The following TMEM232 variants were observed in gnomAD, a reference collection of about 807,000 sequenced individuals.
TMEM232 encodes transmembrane protein 232.
A neutral mutation model predicts 78.8 loss-of-function variants in TMEM232; 80 were observed. The ratio of observed to expected loss-of-function variants is 1.01; its 90% confidence interval spans 0.85 to 1.22. The LOEUF (loss-of-function observed/expected upper bound fraction) is 1.22. TMEM232 is among the 50% of genes most tolerant of loss of function. TMEM232 has a pLI of 0.00. For missense variants in TMEM232, 881 were observed against 742.2 expected (o/e 1.19, Z -2.17); for synonymous variants, 297 against 254.3 (o/e 1.17, Z -1.60).
intron 12 of TMEM232, among the ~76,000 whole-genome samples, chr5:110,485,927 C>G (rs1463167235): frequency 6.6e-6 from 1 of 152,066 alleles, no homozygotes; most frequent in Non-Finnish European, 1.5e-5. Flanking sequence ...GTTTACATTC[C>G]CACCTAGCCG....
At chr5:110,542,982 G>A (rs1773345062) in intron 11 of TMEM232, among the ~76,000 whole-genome samples, 1 of 152,070 alleles carries the variant, frequency 6.6e-6, no homozygotes. Flanking sequence ...GGGCTCTTGA[G>A]CCACTTGCTC....
At position 110,483,451 on chromosome 5, in the gene TMEM232, T is replaced by G. The variant is rs113150916; in HGVS notation, c.1703+45137A>C. On this transcript the variant is annotated intron_variant, in intron 12 of 13. Transcript: ENST00000455884. The stretch of plus-strand genomic sequence containing the variant: ...GGAATGTAAATATGTTCAACCATTT[T>G]GGAAATAAGTTTGAAGATTTCATCA... Among the ~76,000 whole-genome samples the G allele has an allele frequency of 1.6e-3, 249 of 152,278 alleles. 1 individual carries two copies. The highest frequency in any genetic ancestry group is 5.8e-3 in the African/African-American group (243 of 41,566).
intron 1 of TMEM232, chr5:110,725,584 T>C (rs1798071074): frequency 6.6e-6 from 1 of 152,138 alleles, no homozygotes; most frequent in African/African-American, 2.4e-5. Context: ...GAAATAAAAA[T>C]CTGCTACCTT....
At chr5:110,520,858 T>A (rs1345456405) in intron 12 of TMEM232, among the ~76,000 whole-genome samples, 1 of 152,128 alleles carries the variant, frequency 6.6e-6, no homozygotes, top group Non-Finnish European at 1.5e-5. Context: ...GCAGAGGTTG[T>A]GGTAAGCCAA....
intron 5 of TMEM232, among the ~76,000 whole-genome samples, chr5:110,635,508 A>G (rs1785683010): frequency 6.6e-6 from 1 of 152,054 alleles, no homozygotes; most frequent in African/African-American, 2.4e-5. Context: ...GATTTATACC[A>G]GGGAATCAAG....
Position 110,654,991 on chromosome 5 carries a change from T to C in TMEM232, c.125+12237A>G, listed in dbSNP as rs567102614. On this transcript the variant is annotated intron_variant, in intron 2 of 13. Coordinates refer to ENST00000455884, the MANE Select transcript of TMEM232 (RefSeq NM_001039763.4). ...GGCATTATGATTCAGGACATAGGCA[T>C]GGGCAAGGACTTCATGTCTAAAACA... is the stretch of plus-strand genomic sequence containing the variant. Among the ~76,000 whole-genome samples the C allele has an allele frequency of 2.6e-5, 4 of 152,270 alleles. No homozygotes were observed. The South Asian group carries it at 8.3e-4, about 32-fold the overall frequency.
At chr5:110,390,673 C>T (rs1483445901) in intron 3 of TMEM232, 5 of 152,142 alleles carry the variant, frequency 3.3e-5, no homozygotes, top group African/African-American at 1.2e-4. Flanking sequence ...AATAAGAATC[C>T]ATTGAATATC....
At chr5:110,428,131 C>G (rs76957994) in intron 12 of TMEM232, among the ~76,000 whole-genome samples, 16 of 151,750 alleles carry the variant, frequency 1.1e-4, no homozygotes, top group African/African-American at 2.4e-4. Flanking sequence ...TACCTTTCCC[C>G]CAACCCCCTA....
At position 110,733,181 on chromosome 5, in the gene TMEM232, AT is replaced by A. The variant is rs558236412; in HGVS notation, c.-13+1721del. On this transcript the variant is annotated intron_variant, in intron 2 of 4. Coordinates refer to the TMEM232 transcript ENST00000512886. Reference sequence around the variant, plus strand: ...TAAAAAGTAAAAAATAATAATAATAATAACAACAGATGCTGGTGAGGTTTGC... The same window carrying A: ...TAAAAAGTAAAAAATAATAATAATAAAACAACAGATGCTGGTGAGGTTTGC... 1.9e-3 allele frequency among the ~76,000 whole-genome samples: 289 copies of A among 152,234 alleles called. 5 individuals carry two copies. The highest frequency in any genetic ancestry group is 0.014 in the South Asian group (67 of 4,818).
At chr5:110,492,761 A>C (rs1765252074) in intron 12 of TMEM232, among the ~76,000 whole-genome samples, 1 of 152,086 alleles carries the variant, frequency 6.6e-6, no homozygotes, top group Non-Finnish European at 1.5e-5. Context: ...ACAGAGAGAT[A>C]TTAGAGATTC....
chr5:110,676,640 T>G (rs1190888723), intron 1 of TMEM232, among the ~76,000 whole-genome samples: 1 of 151,940 alleles, frequency 6.6e-6, no homozygotes, highest in Non-Finnish European at 1.5e-5. Context: ...CCCAGGCTGA[T>G]CTCAAACTCC....
At chr5:110,593,681 A>C (rs1779807103) in intron 10 of TMEM232, among the ~76,000 whole-genome samples, 1 of 152,154 alleles carries the variant, frequency 6.6e-6, no homozygotes, top group South Asian at 2.1e-4. Context: ...AAAGGGCAAT[A>C]GGGTGATGAG....
chr5:110,705,147 T>A (rs1246623651), intron 1 of TMEM232, among the ~76,000 whole-genome samples: 3 of 152,154 alleles, frequency 2.0e-5, no homozygotes, highest in African/African-American at 7.2e-5. Context: ...TTTTGGGTTG[T>A]CAACCTGTAC....
At chr5:110,687,734 G>GTA (rs1229840826) in intron 1 of TMEM232, among the ~76,000 whole-genome samples, 1 of 151,870 alleles carries the variant, frequency 6.6e-6, no homozygotes, top group Non-Finnish European at 1.5e-5. Context: ...ACATGTGTGT[G>GTA]TATATACACA....
chr5:110,721,624 C>A, intron 1 of TMEM232, among the ~76,000 whole-genome samples: 1 of 82,748 alleles, frequency 1.2e-5, no homozygotes, highest in South Asian at 4.6e-4. Flanking sequence ...CATAAGCTAT[C>A]ATATGTGTGA....
chr5:110,481,883 G>A (rs1763903898), intron 12 of TMEM232, among the ~76,000 whole-genome samples: 2 of 152,256 alleles, frequency 1.3e-5, no homozygotes, highest in Admixed American at 1.3e-4. Flanking sequence ...TCTGGTGAAA[G>A]CTAATAAGAA....
At chr5:110,629,299 T>C (rs1784819480) in intron 5 of TMEM232, among the ~76,000 whole-genome samples, 1 of 152,042 alleles carries the variant, frequency 6.6e-6, no homozygotes, top group African/African-American at 2.4e-5. Context: ...ATGACAAGCA[T>C]GTCAGCATGA....
chr5:110,613,496 G>A (rs137896611), intron 8 of TMEM232, among the ~76,000 whole-genome samples: 50 of 152,074 alleles, frequency 3.3e-4, no homozygotes, highest in African/African-American at 8.0e-4. Flanking sequence ...TGAAATGTAC[G>A]GCAAATGAAA....
chr5:110,663,667 T>C (rs116529389), intron 2 of TMEM232, among the ~76,000 whole-genome samples: 1,771 of 135,658 alleles, frequency 0.013, 42 homozygotes, highest in African/African-American at 0.042. Flanking sequence ...AATTGATCTG[T>C]TAGGTGTTGG....
Sources: allele counts gnomAD v4.1 joint callset (sites outside exome capture counted in the v4.1 genomes callset), GRCh38; gene constraint gnomAD v4.1.1; transcripts MANE v1.5; gene names NCBI Gene and HGNC (gene_info 2026-07-23, HGNC 2026-07-21).